TMEM132C: variants seen among roughly 807,000 people sequenced by gnomAD.
TMEM132C encodes the protein protein phosphatase 1, regulatory subunit 152.
Under a neutral mutation model 61.4 loss-of-function variants are expected in TMEM132C, and 29 were observed. The ratio of observed to expected loss-of-function variants is 0.47; its 90% CI spans 0.35 to 0.64. The LOEUF (loss-of-function observed/expected upper bound fraction) is 0.64. Among genes scored for constraint, TMEM132C ranks in the 30% least tolerant of loss-of-function variants. The pLI, the probability that TMEM132C is intolerant of heterozygous loss-of-function variation, is 0.00. For synonymous variants in TMEM132C, 656 were observed against 633.1 expected (o/e 1.04, Z -0.54); for missense variants, 1,408 against 1,476.9 (o/e 0.95, Z 0.76).
At chr12:128,701,280 G>A (rs1422812117) in intron 8 of TMEM132C, among the ~76,000 whole-genome samples, 1 of 149,500 alleles carries the variant, frequency 6.7e-6, no homozygotes, top group Non-Finnish European at 1.5e-5. Context: ...ATCATTGAAA[G>A]TTGAGCTAGC....
chr12:128,398,324 C>T (rs915343096), intron 1 of TMEM132C, among the ~76,000 whole-genome samples: 3 of 152,212 alleles, frequency 2.0e-5, no homozygotes, highest in Admixed American at 6.5e-5. Flanking sequence ...GTTCTGCAAC[C>T]TTTGTGTCTA....
chr12:128,665,356 CACAT>C (rs964446088), intron 4 of TMEM132C, among the ~76,000 whole-genome samples: 5 of 149,714 alleles, frequency 3.3e-5, no homozygotes, highest in Non-Finnish European at 7.4e-5. Flanking sequence ...CACACAGACA[CACAT>C]ACACAAACAC....
rs141297804 is a variant in TMEM132C, at chr12:128,294,275, C to T, written c.85+26788C>T. The T allele has an allele frequency of 2.6e-3, 397 of 153,248 alleles. 2 individuals are homozygous for T. The highest frequency in any genetic ancestry group is 8.6e-3 in the African/African-American group (358 of 41,578). 9.5% of individuals were successfully genotyped at this position (153,248 alleles called of 1,614,324 possible). ...AACAGGAGCAAGGAGACCAGACACG[C>T]GTCTCACTTTTGGGGCTTTTGAATG... On this transcript the variant is annotated intron_variant, in intron 1 of 8. Coordinates refer to ENST00000435159, the MANE Select transcript of TMEM132C (RefSeq NM_001136103.3).
intron 2 of TMEM132C, among the ~76,000 whole-genome samples, chr12:128,528,353 A>G (rs1873166305): frequency 1.3e-5 from 2 of 152,212 alleles, no homozygotes; most frequent in African/African-American, 4.8e-5. Flanking sequence ...GCATCGTGCC[A>G]GTCTACATTC....
At chr12:128,345,754 T>C (rs1224311838) in intron 1 of TMEM132C, among the ~76,000 whole-genome samples, 1 of 152,228 alleles carries the variant, frequency 6.6e-6, no homozygotes, top group Admixed American at 6.5e-5. Context: ...CACTTTTTAA[T>C]GGGGTTGTTT....
chr12:128,573,998 G>C (rs4363684), intron 3 of TMEM132C, among the ~76,000 whole-genome samples: 3,280 of 152,012 alleles, frequency 0.022, 84 homozygotes, highest in African/African-American at 0.062. Context: ...ACTGGATGCT[G>C]TTATTGGAAA....
At chr12:128,612,443 C>T (rs1876666903) in intron 3 of TMEM132C, among the ~76,000 whole-genome samples, 1 of 152,130 alleles carries the variant, frequency 6.6e-6, no homozygotes, top group Non-Finnish European at 1.5e-5. Context: ...TGAGTTGGCT[C>T]ACAAGTGATG....
chr12:128,395,093 A>G (rs529056587), intron 1 of TMEM132C, among the ~76,000 whole-genome samples: 1 of 151,770 alleles, frequency 6.6e-6, no homozygotes, highest in South Asian at 2.1e-4. Context: ...ACATATATAC[A>G]ATCATAGCGT....
intron 1 of TMEM132C, among the ~76,000 whole-genome samples, chr12:128,295,003 G>GATAGATAGATAGA (rs1263042761): frequency 3.3e-5 from 3 of 91,872 alleles, no homozygotes; most frequent in Non-Finnish European, 4.4e-5. Flanking sequence ...AGATAGATAG[G>GATAGATAGATAGA]TAGATAGATA....
intron 8 of TMEM132C, among the ~76,000 whole-genome samples, chr12:128,701,434 C>T (rs554265416): frequency 6.8e-4 from 103 of 152,298 alleles, no homozygotes; most frequent in Non-Finnish European, 1.2e-3. Context: ...CCTGCCTTCA[C>T]ACACAGCAGA....
chr12:128,274,417 T>C (rs892045876), intron 1 of TMEM132C, among the ~76,000 whole-genome samples: 8 of 152,210 alleles, frequency 5.3e-5, no homozygotes, highest in African/African-American at 1.9e-4. Context: ...TTCAGTATCA[T>C]AGAAACAACA....
chr12:128,459,236 GC>G lies in TMEM132C; in HGVS notation c.974+43619del, dbSNP rs981335181. Among the ~76,000 whole-genome samples the G allele has an allele frequency of 8.8e-4, 134 of 152,290 alleles. 1 individual carries two copies. The highest frequency in any genetic ancestry group is 3.1e-3 in the African/African-American group (130 of 41,556). ...TGATGAGAGAATGTAGCCATTGAGA[GC>G]CCTGGATCACACAGTTAGTAAGGAT... is the stretch of plus-strand genomic sequence containing the variant. On this transcript the variant is annotated intron_variant, in intron 2 of 8. Transcript: ENST00000435159.
rs1367413925 is a variant in TMEM132C, at chr12:128,705,940, A to T, written c.2972A>T (p.Gln991Leu). 1 of 1,551,518 alleles carries T rather than the reference A, an allele frequency of 6.4e-7. No individual in the cohort carries two copies. Among genetic ancestry groups the T allele is most frequent in the East Asian group, 2.4e-5 (1 of 40,898 alleles). ...LESMGDAPPP[Q>L]DEHTTIIDRG... ...AGCATGGGGGATGCGCCGCCGCCCC[A>T]GGACGAGCACACCACCATCATAGAC... The change falls in exon 9 of 9, where the codon CAG becomes CTG. Residue 991 changes from glutamine to leucine, a missense_variant. Physicochemically the swap from Gln to Leu is moderately radical, Grantham distance 113 (BLOSUM62 -2). Coordinates refer to ENST00000435159, the MANE Select transcript of TMEM132C (RefSeq NM_001136103.3).
chr12:128,697,723 C>T lies in TMEM132C; in HGVS notation c.2121+308C>T, dbSNP rs181129164. Among the ~76,000 whole-genome samples the T allele has an allele frequency of 4.4e-3, 677 of 152,318 alleles. 7 individuals are homozygous for T. The highest frequency in any genetic ancestry group is 6.1e-3 in the Non-Finnish European group (418 of 68,028). Reference sequence around the variant, plus strand: ...TCATGCCTTTTACTGGCTTAAAATGCTCCAATGACTTCCCATTGCACTTAG... The same window carrying T: ...TCATGCCTTTTACTGGCTTAAAATGTTCCAATGACTTCCCATTGCACTTAG... On this transcript the variant is annotated intron_variant, in intron 8 of 8. Transcript: ENST00000435159.
At chr12:128,287,002 C>T (rs140398838) in intron 1 of TMEM132C, among the ~76,000 whole-genome samples, 24 of 152,336 alleles carry the variant, frequency 1.6e-4, no homozygotes, top group Admixed American at 2.6e-4. Flanking sequence ...CCAAGAAGGG[C>T]AGCGGTTTTG....
intron 2 of TMEM132C, among the ~76,000 whole-genome samples, chr12:128,486,463 A>G (rs1871493956): frequency 6.6e-6 from 1 of 152,150 alleles, no homozygotes; most frequent in Non-Finnish European, 1.5e-5. Context: ...ACAAGCTAAG[A>G]GGCAAAGGAC....
At chr12:128,591,070 A>T (rs755193296) in intron 3 of TMEM132C, among the ~76,000 whole-genome samples, 7 of 152,222 alleles carry the variant, frequency 4.6e-5, no homozygotes, top group Non-Finnish European at 8.8e-5. Flanking sequence ...GTCATGAGCC[A>T]CTGCAGCCAC....
chr12:128,464,410 G>A (rs546103151), intron 2 of TMEM132C, among the ~76,000 whole-genome samples: 2 of 152,266 alleles, frequency 1.3e-5, no homozygotes, highest in East Asian at 3.9e-4. Context: ...ACCAGGAGCA[G>A]GTGATCTCAC....
chr12:128,308,607 A>G (rs1201415371), intron 1 of TMEM132C, among the ~76,000 whole-genome samples: 1 of 152,292 alleles, frequency 6.6e-6, no homozygotes, highest in South Asian at 2.1e-4. Flanking sequence ...CACTCTGTTC[A>G]GGAGCAATTC....
Sources: gnomAD v4.1 joint callset for allele counts (sites outside exome capture counted in the v4.1 genomes callset) on GRCh38, gnomAD v4.1.1 for gene constraint, MANE v1.5 for transcripts, NCBI Gene and HGNC (gene_info 2026-07-23, HGNC 2026-07-21) for gene names.